Variants in CSMD1 observed in about 807,000 individuals in gnomAD.
CSMD1 encodes the protein CUB and sushi domain-containing protein 1.
In CSMD1, 213 loss-of-function variants were observed where a neutral mutation model predicts 417.5. The observed-to-expected ratio is 0.51, with a 90% CI of 0.46 to 0.57. The LOEUF is 0.57. Ranked by LOEUF, CSMD1 falls within the 20% of genes least tolerant of loss-of-function variation. CSMD1 has a pLI of 0.00. For synonymous variants in CSMD1, 2,862 were observed against 1,736.8 expected, an observed-to-expected ratio of 1.65 and a Z score of -16.11; for missense variants, 6,923 against 4,529.7, an observed-to-expected ratio of 1.53 and a Z score of -15.17.
chr8:4,710,886 GA>G (rs1366279706), intron 1 of CSMD1, among the ~76,000 whole-genome samples: 1 of 151,562 alleles, frequency 6.6e-6, no homozygotes, highest in East Asian at 1.9e-4. Context: ...AGAACAATGA[GA>G]AAAAAGACTT....
At chr8:3,724,084 C>A (rs1407011716) in intron 6 of CSMD1, among the ~76,000 whole-genome samples, 1 of 53,758 alleles carries the variant, frequency 1.9e-5, no homozygotes, top group African/African-American at 3.5e-5. Context: ...ACCAGAATAA[C>A]AGAGCACAGC....
At chr8:4,107,852 C>G (rs936708853) in intron 3 of CSMD1, among the ~76,000 whole-genome samples, 3 of 152,194 alleles carry the variant, frequency 2.0e-5, no homozygotes, top group Admixed American at 6.5e-5. Context: ...CACATTCTCT[C>G]TGATGGAAAT....
intron 5 of CSMD1, among the ~76,000 whole-genome samples, chr8:3,790,705 A>G (rs897803897): frequency 6.6e-6 from 1 of 152,150 alleles, no homozygotes; most frequent in Non-Finnish European, 1.5e-5. Flanking sequence ...ATATCTAGAT[A>G]CCTTTGACAA....
At chr8:4,632,997 G>T (rs1757901990) in intron 2 of CSMD1, among the ~76,000 whole-genome samples, 1 of 152,092 alleles carries the variant, frequency 6.6e-6, no homozygotes, top group Non-Finnish European at 1.5e-5. Context: ...TCCGATCATG[G>T]ACTTTCTTGA....
At position 4,001,753 on chromosome 8, in the gene CSMD1, C is replaced by T. The variant is rs74891689; in HGVS notation, c.611-3643G>A. 6.8e-3 allele frequency among the ~76,000 whole-genome samples: 1,038 copies of T among 152,190 alleles called. 11 individuals are homozygous for T. The highest frequency in any genetic ancestry group is 0.024 in the African/African-American group (1,000 of 41,490). The stretch of plus-strand genomic sequence containing the variant: ...GCATGAGTACTAGGCTCACTGAATC[C>T]AGGTAAGACCAGAGCACTGACTGCA... On this transcript the variant is annotated intron_variant, in intron 4 of 69. Transcript: ENST00000635120.
At chr8:4,785,581 T>C (rs1267782711) in intron 1 of CSMD1, among the ~76,000 whole-genome samples, 1 of 151,986 alleles carries the variant, frequency 6.6e-6, no homozygotes, top group Non-Finnish European at 1.5e-5. Context: ...CCTGAGCCAC[T>C]TGGAAGTCAT....
chr8:3,011,331 T>C (rs1277512118), intron 52 of CSMD1, among the ~76,000 whole-genome samples: 1 of 151,854 alleles, frequency 6.6e-6, no homozygotes, highest in East Asian at 1.9e-4. Context: ...AAGATGGGGG[T>C]GGGGCAGGGG....
chr8:3,770,981 T>A (rs980382487), intron 5 of CSMD1, among the ~76,000 whole-genome samples: 1 of 150,342 alleles, frequency 6.7e-6, no homozygotes, highest in Non-Finnish European at 1.5e-5. Flanking sequence ...GCATGTTAAT[T>A]TGGACAGTTT....
intron 1 of CSMD1, among the ~76,000 whole-genome samples, chr8:4,768,336 C>T (rs929816378): frequency 2.0e-5 from 3 of 151,974 alleles, no homozygotes; most frequent in South Asian, 2.1e-4. Flanking sequence ...TAACATGAGC[C>T]GGTACACAGA....
chr8:4,105,616 G>A (rs922933177), intron 3 of CSMD1, among the ~76,000 whole-genome samples: 6 of 152,194 alleles, frequency 3.9e-5, no homozygotes, highest in Admixed American at 6.5e-5. Context: ...AGAGGAAACA[G>A]GGAAAGCAAA....
chr8:3,355,947 T>A (rs1585045517), intron 21 of CSMD1, among the ~76,000 whole-genome samples: 3 of 152,172 alleles, frequency 2.0e-5, no homozygotes, highest in Admixed American at 1.3e-4. Flanking sequence ...ACTATTTCTA[T>A]CATCCTAAAT....
intron 4 of CSMD1, among the ~76,000 whole-genome samples, chr8:4,017,604 C>G (rs1011624443): frequency 2.0e-5 from 3 of 152,142 alleles, no homozygotes; most frequent in Non-Finnish European, 2.9e-5. Context: ...CCGTGCCCAG[C>G]TGCCACCTCG....
chr8:4,430,089 T>C (rs1797786738), intron 2 of CSMD1, among the ~76,000 whole-genome samples: 1 of 152,182 alleles, frequency 6.6e-6, no homozygotes, highest in Non-Finnish European at 1.5e-5. Context: ...ACTTAATGTT[T>C]AAATCCCAGA....
At chr8:3,578,747 A>C (rs779514781) in intron 9 of CSMD1, among the ~76,000 whole-genome samples, 1 of 152,200 alleles carries the variant, frequency 6.6e-6, no homozygotes, top group Non-Finnish European at 1.5e-5. Context: ...CTGGGACTGG[A>C]CAATTTCATA....
chr8:4,353,807 C>T (rs528175245), intron 3 of CSMD1, among the ~76,000 whole-genome samples: 2 of 152,164 alleles, frequency 1.3e-5, no homozygotes, highest in African/African-American at 4.8e-5. Context: ...ATGGCTCGAT[C>T]ATTAAAACCA....
At chr8:4,317,393 A>G (rs1798996515) in intron 3 of CSMD1, among the ~76,000 whole-genome samples, 1 of 152,190 alleles carries the variant, frequency 6.6e-6, no homozygotes, top group African/African-American at 2.4e-5. Flanking sequence ...ACCCTGCTGT[A>G]AAACTCAAAT....
At chr8:3,449,174 G>A (rs1481038058) in intron 12 of CSMD1, among the ~76,000 whole-genome samples, 1 of 152,118 alleles carries the variant, frequency 6.6e-6, no homozygotes, top group East Asian at 1.9e-4. Flanking sequence ...ATTAGTTGGT[G>A]GGGGGAATCA....
intron 7 of CSMD1, among the ~76,000 whole-genome samples, chr8:3,626,509 G>C (rs142869129): frequency 1.3e-5 from 2 of 152,064 alleles, no homozygotes; most frequent in Admixed American, 6.5e-5. Context: ...TATAGTTATA[G>C]TTAAACATAA....
intron 8 of CSMD1, among the ~76,000 whole-genome samples, chr8:3,612,213 A>C (rs1801928893): frequency 6.6e-6 from 1 of 152,104 alleles, no homozygotes; most frequent in Non-Finnish European, 1.5e-5. Flanking sequence ...GGGTAAAGAA[A>C]GTCATTTCAT....
Sources: gnomAD v4.1 joint callset for allele counts (sites outside exome capture counted in the v4.1 genomes callset) on GRCh38, gnomAD v4.1.1 for gene constraint, MANE v1.5 for transcripts, NCBI Gene and HGNC (gene_info 2026-07-23, HGNC 2026-07-21) for gene names.